The following CAPN13 variants were observed in gnomAD, a reference collection of about 807,000 sequenced individuals.
The protein encoded by CAPN13 is calpain 13.
CAPN13 carries 90 observed loss-of-function variants against 98.4 expected under a neutral mutation model. The ratio of observed to expected loss-of-function variants is 0.92; its 90% confidence interval spans 0.77 to 1.09. CAPN13 has a LOEUF of 1.09. Ranked by LOEUF, CAPN13 falls within the 50% of genes least tolerant of loss-of-function variation. CAPN13 has a pLI of 0.00. For synonymous variants in CAPN13, 330 were observed against 305.5 expected (o/e 1.08, Z -0.84); for missense variants, 887 against 841.3 (o/e 1.05, Z -0.67).
intron 20 of CAPN13, among the ~76,000 whole-genome samples, chr2:30,731,684 C>G (rs534088234): frequency 6.6e-6 from 1 of 152,318 alleles, no homozygotes; most frequent in South Asian, 2.1e-4. Flanking sequence ...CATCCATCCA[C>G]ACTAGGCTGT....
rs1417580817 is a variant in CAPN13, at chr2:30,738,531, A to G, written c.1537-74T>C. ...TGAGAGGCACATCTGCCTGCCGTGT[A>G]AAAGCACTCAGATTTCCAAGCACTT... On this transcript the variant is annotated intron_variant, in intron 15 of 22. Transcript: ENST00000295055. 12 of 1,461,302 alleles carry G rather than the reference A, an allele frequency of 8.2e-6. 1 individual carries two copies. Among genetic ancestry groups the G allele is most frequent in the Non-Finnish European group, 1.1e-5 (12 of 1,066,208 alleles). 90.5% of individuals were successfully genotyped at this position (1,461,302 alleles called of 1,614,324 possible). A position where few individuals can be genotyped will look rare whatever the true frequency, so the allele number is the denominator to read the frequency against.
intron 1 of CAPN13, among the ~76,000 whole-genome samples, chr2:30,792,387 A>T (rs1428724709): frequency 6.6e-6 from 1 of 152,146 alleles, no homozygotes; most frequent in African/African-American, 2.4e-5. Flanking sequence ...ATCACCACAC[A>T]TCCTATAGAC....
chr2:30,743,659 C>G (rs1671768143), intron 12 of CAPN13, 80 bp from the exon 13 acceptor site: 1 of 1,205,972 alleles, frequency 8.3e-7, no homozygotes, highest in African/African-American at 1.5e-5. Flanking sequence ...GACCCACCAC[C>G]TTCTAGACCG....
Position 30,751,219 on chromosome 2 carries a change from A to C in CAPN13, c.1120T>G (p.Ser374Ala). ...GPRNDAQFNFSVQEPMEGTNV... is the reference protein window; with the variant it reads ...GPRNDAQFNFAVQEPMEGTNV... ...GTGCCTTCCATTGGCTCTTGCACAG[A>C]GAAGTTGAATTGAGCATCATTCCGA... is the stretch of plus-strand genomic sequence containing the variant. Residue 374 changes from serine (S) to alanine (A), a missense_variant, in exon 11 of 23, where the codon TCT becomes GCT. Coordinates refer to ENST00000295055, the MANE Select transcript of CAPN13 (RefSeq NM_144575.3). 3.1e-6 allele frequency: 5 copies of C among 1,613,970 alleles called. No homozygotes were observed. Among genetic ancestry groups the C allele is most frequent in the Non-Finnish European group, 4.2e-6 (5 of 1,179,874 alleles).
At chr2:30,756,322 C>T (rs756394750) in intron 8 of CAPN13, among the ~76,000 whole-genome samples, 1 of 152,068 alleles carries the variant, frequency 6.6e-6, no homozygotes, top group East Asian at 1.9e-4. Flanking sequence ...ATAGCCTATG[C>T]GTCCCCCTCC....
chr2:30,800,168 G>GAAAGAAAGAA (rs1675176607), intron 1 of CAPN13, among the ~76,000 whole-genome samples: 1 of 151,188 alleles, frequency 6.6e-6, no homozygotes, highest in Non-Finnish European at 1.5e-5. Flanking sequence ...AAGAAAGAAA[G>GAAAGAAAGAA]AAAGAAAGAA....
intron 11 of CAPN13, among the ~76,000 whole-genome samples, chr2:30,748,438 G>A (rs966887868): frequency 2.0e-5 from 3 of 152,210 alleles, no homozygotes; most frequent in Non-Finnish European, 2.9e-5. Flanking sequence ...ATGCAGTGCA[G>A]AGGTGGGCAG....
intron 4 of CAPN13, 85 bp downstream of exon 4, chr2:30,775,845 G>T: frequency 1.2e-6 from 1 of 865,654 alleles, no homozygotes; most frequent in Non-Finnish European, 1.7e-6. Context: ...CAGGCTTCCC[G>T]GCCACGAGAA....
intron 1 of CAPN13, among the ~76,000 whole-genome samples, chr2:30,794,301 T>A (rs1402859610): frequency 6.6e-6 from 1 of 151,856 alleles, no homozygotes; most frequent in Non-Finnish European, 1.5e-5. Context: ...GAAAAGATGT[T>A]CCACATCATA....
At position 30,739,700 on chromosome 2, in the gene CAPN13, T is replaced by C. The variant is rs17010115; in HGVS notation, c.1537-1243A>G. Among the ~76,000 whole-genome samples the C allele has an allele frequency of 5.2e-3, 794 of 152,304 alleles. 19 individuals carry two copies. The East Asian group carries it at 0.1, about 19-fold the overall frequency. ...TCCACTATAAAGCAGCTTTGGGGCA[T>C]GGACCGTGTCTTTTTCCTCCATATT... On this transcript the variant is annotated intron_variant, in intron 15 of 22. Coordinates refer to ENST00000295055, the MANE Select transcript of CAPN13 (RefSeq NM_144575.3).
intron 11 of CAPN13, among the ~76,000 whole-genome samples, chr2:30,748,383 T>C (rs572321430): frequency 6.6e-6 from 1 of 152,266 alleles, no homozygotes; most frequent in South Asian, 2.1e-4. Flanking sequence ...GGCTGAAAGA[T>C]GCTTCTTGGA....
At chr2:30,798,413 C>G (rs1165353087) in intron 1 of CAPN13, among the ~76,000 whole-genome samples, 2 of 152,132 alleles carry the variant, frequency 1.3e-5, no homozygotes, top group Admixed American at 6.5e-5. Context: ...ACTGAGCTCT[C>G]TCTCTGCTTT....
At chr2:30,726,338 G>A (rs1670856453) in intron 22 of CAPN13, among the ~76,000 whole-genome samples, 1 of 152,202 alleles carries the variant, frequency 6.6e-6, no homozygotes, top group Non-Finnish European at 1.5e-5. Context: ...ACACAAGGTT[G>A]TCTGCTTTGT....
chr2:30,732,386 G>A, intron 20 of CAPN13, 52 bp downstream of exon 20: 1 of 1,607,534 alleles, frequency 6.2e-7, no homozygotes, highest in South Asian at 1.1e-5. Context: ...GTCCTCTCCT[G>A]TGTTCTTCGG....
chr2:30,764,924 C>A (rs1673038204), intron 5 of CAPN13, among the ~76,000 whole-genome samples: 1 of 152,098 alleles, frequency 6.6e-6, no homozygotes, highest in African/African-American at 2.4e-5. Flanking sequence ...CCAGAGTTAC[C>A]CACTCGCCCC....
intron 7 of CAPN13, among the ~76,000 whole-genome samples, chr2:30,759,994 C>T (rs1672756635): frequency 6.6e-6 from 1 of 152,212 alleles, no homozygotes; most frequent in Non-Finnish European, 1.5e-5. Context: ...GGGGCTCTGA[C>T]TTGCAATGCC....
At chr2:30,747,123 T>C (rs1671953528) in intron 11 of CAPN13, among the ~76,000 whole-genome samples, 1 of 152,254 alleles carries the variant, frequency 6.6e-6, no homozygotes. Context: ...GATACCCATG[T>C]TCCAGTCTTT....
At chr2:30,752,653 C>T (rs1404881824) in intron 10 of CAPN13, among the ~76,000 whole-genome samples, 1 of 152,160 alleles carries the variant, frequency 6.6e-6, no homozygotes, top group African/African-American at 2.4e-5. Context: ...ATTATGTTTC[C>T]AGCATCACAA....
chr2:30,753,374 G>A (rs758650111), intron 9 of CAPN13, among the ~76,000 whole-genome samples, 176 bp from the exon 10 acceptor site: 7 of 152,246 alleles, frequency 4.6e-5, no homozygotes, highest in Middle Eastern at 6.8e-3. Flanking sequence ...TGGCTGGGAG[G>A]GCAAGGCAAG....
Sources: allele counts gnomAD v4.1 joint callset (sites outside exome capture counted in the v4.1 genomes callset), GRCh38; gene constraint gnomAD v4.1.1; transcripts MANE v1.5; gene names NCBI Gene and HGNC (gene_info 2026-07-23, HGNC 2026-07-21).